Variants in TRIM29 observed in about 807,000 individuals in gnomAD.
TRIM29 encodes the protein tripartite motif-containing protein 29.
A neutral mutation model predicts 57.3 loss-of-function variants in TRIM29; 52 were observed. That is an observed-to-expected ratio of 0.91 (90% CI 0.73 to 1.14). The LOEUF (loss-of-function observed/expected upper bound fraction) is 1.14. Ranked by LOEUF, TRIM29 falls within the 50% of genes most tolerant of loss-of-function variation. TRIM29 has a pLI of 0.00. For synonymous variants in TRIM29, 319 were observed against 316.9 expected (o/e 1.01, Z -0.07); for missense variants, 753 against 774.6 (o/e 0.97, Z 0.33).
chr11:120,124,544 C>A (rs936061334), intron 4 of TRIM29: 1 of 152,208 alleles, frequency 6.6e-6, no homozygotes, highest in Non-Finnish European at 1.5e-5. Flanking sequence ...GTACACCCCA[C>A]AGGGAAAATA....
Position 120,137,761 on chromosome 11 carries a change from A to C in TRIM29, c.271T>G (p.Ser91Ala). 1 of 1,612,234 alleles carries C rather than the reference A, an allele frequency of 6.2e-7. No homozygotes were observed. The change falls in exon 1 of 9, where the codon TCC (serine) becomes GCC (alanine). Residue 91 changes from serine (S) to alanine (A), a missense_variant. Ser to Ala is a moderately conservative substitution (Grantham distance 99, BLOSUM62 1). Transcript: ENST00000341846. This position sits in a 1 kb window ranked among gnomAD's most constrained non-coding sequence, Gnocchi z 6.2. ...QFVESGDDKN[S>A]NYFSMDSMEG... is the part of the protein sequence containing the mutation. Reference sequence around the variant, plus strand: ...ATAGAGTCCATGCTGAAGTAGTTGGAGTTCTTGTCGTCCCCGGACTCGACA... The same window carrying C: ...ATAGAGTCCATGCTGAAGTAGTTGGCGTTCTTGTCGTCCCCGGACTCGACA...
chr11:120,118,338 G>A lies in TRIM29; in HGVS notation c.1529-17C>T. On this transcript the variant is annotated splice_polypyrimidine_tract_variant and intron_variant, in intron 6 of 8. Transcript: ENST00000341846. The stretch of plus-strand genomic sequence containing the variant: ...TGTAGTTACCTGGCAGGACAAAGAA[G>A]GGCTGTCAGGCCCCCACAGCTGGGA... 1.9e-6 allele frequency: 3 copies of A among 1,597,878 alleles called. No individual in the cohort carries two copies. The highest frequency in any genetic ancestry group is 2.6e-6 in the Non-Finnish European group (3 of 1,168,622).
rs374474010 is a variant in TRIM29 at position 120,120,628 on chromosome 11, G to A, written c.1473C>T (p.Gly491=). The change falls in exon 6 of 9, where the codon GGC becomes GGT. Residue 491 remains glycine, a synonymous_variant. Transcript: ENST00000341846. ...VRTSYQPSSP[G]RFTKETTQKN... ...TCTGGGTGGTCTCCTTGGTGAAGCGGCCAGGAGACGAGGGCTGGTATGATG... is the reference window on the plus strand; with the variant it reads ...TCTGGGTGGTCTCCTTGGTGAAGCGACCAGGAGACGAGGGCTGGTATGATG... 1.2e-6 allele frequency: 2 copies of A among 1,613,910 alleles called. No individual in the cohort carries two copies. The highest frequency in any genetic ancestry group is 2.7e-5 in the African/African-American group (2 of 74,976).
chr11:120,131,889 G>A (rs1373020145), intron 1 of TRIM29, among the ~76,000 whole-genome samples: 1 of 148,760 alleles, frequency 6.7e-6, no homozygotes, highest in Non-Finnish European at 1.5e-5. Flanking sequence ...GTATGTGCCA[G>A]GACTTTTCTC....
chr11:120,113,347 C>A (rs532915778), intron 8 of TRIM29, among the ~76,000 whole-genome samples: 22 of 152,138 alleles, frequency 1.4e-4, no homozygotes, highest in African/African-American at 5.1e-4. Context: ...TTCATCAGGG[C>A]CCTGAGGAGG....
rs1194670521 is a variant in TRIM29, at chr11:120,115,385, G to C, written c.1657C>G (p.Pro553Ala). 1.2e-6 allele frequency: 2 copies of C among 1,613,946 alleles called. No homozygotes were observed. The highest frequency in any genetic ancestry group is 4.5e-5 in the East Asian group (2 of 44,862). ...GYPSLMRSQS[P>A]KAQPQTWKSG... is the part of the protein sequence containing the mutation. Reference sequence around the variant, plus strand: ...TTCCAAGTCTGGGGCTGGGCCTTGGGGCTTTGGCTCCGCATGAGGGAGGGA... The same window carrying C: ...TTCCAAGTCTGGGGCTGGGCCTTGGCGCTTTGGCTCCGCATGAGGGAGGGA... The change falls in exon 8 of 9, where the codon CCC (proline) becomes GCC (alanine). Residue 553 changes from proline (P) to alanine (A), a missense_variant. By Grantham distance (27) the Pro-to-Ala change is conservative. Transcript: ENST00000341846.
At chr11:120,112,565 C>T in intron 8 of TRIM29, 89 bp from the exon 9 acceptor site, 3 of 1,411,826 alleles carry the variant, frequency 2.1e-6, no homozygotes, top group East Asian at 2.3e-5. Context: ...CCTCAGGAGG[C>T]AGCAGTGATC....
rs1480974775 is a variant in TRIM29, at chr11:120,137,812, C to A, written c.220G>T (p.Glu74Ter). Residue 74 changes from glutamate to a stop codon, truncating the protein, a stop_gained, in exon 1 of 9, where the codon GAG (glutamate) becomes TAG (stop). Coordinates refer to ENST00000341846, the MANE Select transcript of TRIM29 (RefSeq NM_012101.4). LOFTEE classifies it high-confidence loss of function. This position sits in a 1 kb window ranked among gnomAD's most constrained non-coding sequence, Gnocchi z 6.2. ...EGRSALFAGN[E>*]WRRPIIQFVE... ...AACTGGATGATGGGTCGCCGCCACT[C>A]ATTGCCCGCGAACAGGGCGCTCCTA... The A allele has an allele frequency of 6.2e-7, 1 of 1,612,696 alleles. No individual in the cohort carries two copies. Among genetic ancestry groups the A allele is most frequent in the East Asian group, 2.2e-5 (1 of 44,852 alleles).
rs1863833612 is a variant in TRIM29, at chr11:120,137,170, G to A, written c.804+58C>T. 9 of 1,579,516 alleles carry A rather than the reference G, an allele frequency of 5.7e-6. No homozygotes were observed. The highest frequency in any genetic ancestry group is 1.7e-5 in the Admixed American group (1 of 58,570). The stretch of plus-strand genomic sequence containing the variant: ...AGCCCGAGTGGAGAAGATGAAGTTC[G>A]GAGGGGTGGGGTGAGAGAGGAGAGG... On this transcript the variant is annotated intron_variant, in intron 1 of 8. Transcript: ENST00000341846. The surrounding 1 kb of genome is among the most constrained non-coding windows in gnomAD (Gnocchi z 6.2).
chr11:120,125,746 C>T lies in TRIM29; in HGVS notation c.1278G>A (p.Lys426=). The T allele has an allele frequency of 6.2e-7, 1 of 1,614,238 alleles. No homozygotes were observed. Among genetic ancestry groups the T allele is most frequent in the East Asian group, 2.2e-5 (1 of 44,886 alleles). ...LLNVCMRHVE[K]MCKADLSRNF... is the part of the protein sequence containing the mutation. ...TACGGCTCAGGTCCGCCTTGCACAT[C>T]TTCTCAACGTGGCGCATGCATACAT... Residue 426 remains lysine, a synonymous_variant, in exon 4 of 9, where the codon AAG becomes AAA. Transcript: ENST00000341846.
intron 8 of TRIM29, chr11:120,113,489 C>A: frequency 2.7e-6 from 1 of 371,310 alleles, no homozygotes; most frequent in Non-Finnish European, 5.4e-6. Context: ...ACTCCCATGC[C>A]CTGCAGATCC....
Position 120,130,752 on chromosome 11 carries a change from C to G in TRIM29, c.805-2257G>C, listed in dbSNP as rs556038195. On this transcript the variant is annotated intron_variant, in intron 1 of 8. Transcript: ENST00000341846. ...GTGGGCAACTTCCATGGACCAGGGGCCAGGCTGGGTGCTTTCACTCACACC... is the reference window on the plus strand; with the variant it reads ...GTGGGCAACTTCCATGGACCAGGGGGCAGGCTGGGTGCTTTCACTCACACC... Among the ~76,000 whole-genome samples the G allele has an allele frequency of 5.7e-4, 87 of 152,170 alleles. 1 individual carries two copies. Among genetic ancestry groups the G allele is most frequent in the Non-Finnish European group, 1.1e-3 (75 of 68,028 alleles).
chr11:120,123,497 G>A (rs886243292), intron 4 of TRIM29: 15 of 455,494 alleles, frequency 3.3e-5, no homozygotes, highest in Admixed American at 2.1e-4. Flanking sequence ...GCTCTGGCTC[G>A]CTACTTCCGG....
intron 8 of TRIM29, 39 bp downstream of exon 8, chr11:120,115,299 C>T: frequency 1.3e-6 from 2 of 1,599,984 alleles, no homozygotes; most frequent in Non-Finnish European, 1.7e-6. Context: ...GCCCAGGTCT[C>T]TGGATGTGCC....
rs917324834 is a variant in TRIM29, at chr11:120,128,481, C to T, written c.819G>A (p.Leu273=). ...AKAEKETELS[L]QKEQLQLKII... ...TCTTGAGCTGCAGCTGCTCCTTTTG[C>T]AATGACAGCTCCGTCTGCAGAGAAA... The change falls in exon 2 of 9, where the codon TTG becomes TTA. Residue 273 remains leucine (L), a synonymous_variant. Coordinates refer to ENST00000341846, the MANE Select transcript of TRIM29 (RefSeq NM_012101.4). 1 of 1,611,524 alleles carries T rather than the reference C, an allele frequency of 6.2e-7. No individual in the cohort carries two copies.
At chr11:120,123,496 C>T (rs1047693602) in intron 4 of TRIM29, 11 of 455,608 alleles carry the variant, frequency 2.4e-5, no homozygotes, top group Middle Eastern at 3.2e-4. Flanking sequence ...AGCTCTGGCT[C>T]GCTACTTCCG....
Position 120,128,914 on chromosome 11 carries a change from G to A in TRIM29, c.805-419C>T, listed in dbSNP as rs552065524. 1.7e-5 allele frequency: 24 copies of A among 1,414,640 alleles called. No individual in the cohort carries two copies. In the East Asian group the frequency reaches 2.5e-4, roughly 15 times the overall value. The allele number at this position is 1,414,640 out of a possible 1,614,324, so 87.6% of individuals were successfully genotyped here. Reference sequence around the variant, plus strand: ...CCCAGCCCAGCCCAGGGAGTGTCTCGTGGCAGTAACAGTGTGCAGCGTTTC... The same window carrying A: ...CCCAGCCCAGCCCAGGGAGTGTCTCATGGCAGTAACAGTGTGCAGCGTTTC... On this transcript the variant is annotated intron_variant, in intron 1 of 8. Transcript: ENST00000341846.
At chr11:120,127,791 C>A (rs1332939880) in intron 2 of TRIM29, among the ~76,000 whole-genome samples, 1 of 152,118 alleles carries the variant, frequency 6.6e-6, no homozygotes, top group Non-Finnish European at 1.5e-5. Flanking sequence ...CGCTTCTTAT[C>A]TACCTGTGGC....
At chr11:120,122,929 T>C (rs1374973131) in intron 5 of TRIM29, 25 bp downstream of exon 5, 24 of 1,606,494 alleles carry the variant, frequency 1.5e-5, no homozygotes, top group Non-Finnish European at 2.0e-5. Context: ...AGACACTAGG[T>C]CTGGGGTGAG....
Sources: allele counts gnomAD v4.1 joint callset (sites outside exome capture counted in the v4.1 genomes callset), GRCh38; gene constraint gnomAD v4.1.1; non-coding constraint Gnocchi (gnomAD v3.1); transcripts MANE v1.5; gene names NCBI Gene and HGNC (gene_info 2026-07-23, HGNC 2026-07-21).